The following PHF24 variants were observed in gnomAD, a reference collection of about 807,000 sequenced individuals.
PHF24 encodes the protein PHD finger protein 24.
In PHF24, 25 loss-of-function variants were observed where a neutral mutation model predicts 42.6. That is an observed-to-expected ratio of 0.59 (90% CI 0.43 to 0.82). The LOEUF is 0.82. Ranked by LOEUF, PHF24 falls within the 40% of genes least tolerant of loss-of-function variation. PHF24 has a pLI of 0.00. For missense variants in PHF24, 470 were observed against 538.1 expected, an observed-to-expected ratio of 0.87 and a Z score of 1.25; for synonymous variants, 185 against 204.8, an observed-to-expected ratio of 0.90 and a Z score of 0.83.
chr9:34,745,203 C>T, the PHF24 span, among the ~76,000 whole-genome samples: 1 of 152,166 alleles, frequency 6.6e-6, no homozygotes, highest in African/African-American at 2.4e-5. Flanking sequence ...ACTAAGTCCC[C>T]ACAGCTGGAG....
At chr9:34,741,110 T>C in the PHF24 span, among the ~76,000 whole-genome samples, 1 of 152,054 alleles carries the variant, frequency 6.6e-6, no homozygotes, top group Non-Finnish European at 1.5e-5. Flanking sequence ...GGTCTTGAAC[T>C]CCTGACCTCA....
At chr9:34,970,224 C>T (rs1416708026) in intron 1 of PHF24, among the ~76,000 whole-genome samples, 2 of 152,118 alleles carry the variant, frequency 1.3e-5, no homozygotes, top group Non-Finnish European at 2.9e-5. Context: ...TGCAATGTGC[C>T]CTGTCATGCC....
chr9:34,870,964 A>G, the PHF24 span, among the ~76,000 whole-genome samples: 1 of 152,216 alleles, frequency 6.6e-6, no homozygotes, highest in African/African-American at 2.4e-5. Context: ...GGATAAATAC[A>G]AAGAAGCTCA....
At chr9:34,832,765 G>T in the PHF24 span, 101 of 1,550,396 alleles carry the variant, frequency 6.5e-5, no homozygotes, top group Non-Finnish European at 7.6e-5. Flanking sequence ...CCCTGCAAAG[G>T]CTTAGCCTGA....
At chr9:34,762,643 A>T in the PHF24 span, among the ~76,000 whole-genome samples, 1 of 147,286 alleles carries the variant, frequency 6.8e-6, no homozygotes, top group Non-Finnish European at 1.5e-5. Flanking sequence ...CCCATTTTGT[A>T]GGTTGCCTGT....
the PHF24 span, among the ~76,000 whole-genome samples, chr9:34,768,259 A>G: frequency 1.3e-5 from 2 of 152,224 alleles, no homozygotes; most frequent in African/African-American, 4.8e-5. Flanking sequence ...TATCCCATGC[A>G]AGCTGTTTAA....
the PHF24 span, among the ~76,000 whole-genome samples, chr9:34,815,798 G>T: frequency 6.6e-6 from 1 of 152,150 alleles, no homozygotes. Context: ...CTAATTTGAA[G>T]ACTTCCAGGA....
the PHF24 span, chr9:34,833,819 A>C: frequency 1.1e-5 from 17 of 1,551,596 alleles, no homozygotes; most frequent in African/African-American, 1.9e-4. Flanking sequence ...AAATGAAACC[A>C]TCTAAATCAG....
the PHF24 span, among the ~76,000 whole-genome samples, chr9:34,746,776 C>G: frequency 6.6e-6 from 1 of 152,192 alleles, no homozygotes; most frequent in African/African-American, 2.4e-5. Flanking sequence ...AATAATAAAC[C>G]TTTTTATACC....
the PHF24 span, among the ~76,000 whole-genome samples, chr9:34,945,204 A>T: frequency 6.6e-6 from 1 of 152,198 alleles, no homozygotes; most frequent in Non-Finnish European, 1.5e-5. Context: ...GTACCACCCA[A>T]GAGGGAGTAA....
the PHF24 span, chr9:34,832,667 T>C: frequency 6.5e-7 from 1 of 1,541,026 alleles, no homozygotes; most frequent in Non-Finnish European, 8.8e-7. Context: ...TAATTTTATT[T>C]CTGAAGCTAG....
At chr9:34,909,201 G>C in the PHF24 span, among the ~76,000 whole-genome samples, 1 of 152,052 alleles carries the variant, frequency 6.6e-6, no homozygotes, top group Non-Finnish European at 1.5e-5. Context: ...GGCTGGCCTC[G>C]AACTCTCAGG....
chr9:34,714,263 G>T, the PHF24 span, among the ~76,000 whole-genome samples: 1 of 152,152 alleles, frequency 6.6e-6, no homozygotes, highest in African/African-American at 2.4e-5. Flanking sequence ...TGGTCTAGAG[G>T]CAGATCCTGG....
At chr9:34,789,311 A>G in the PHF24 span, among the ~76,000 whole-genome samples, 1 of 152,184 alleles carries the variant, frequency 6.6e-6, no homozygotes. Flanking sequence ...TGACTCTCCA[A>G]ATATACTCTC....
At chr9:34,835,016 T>A in the PHF24 span, 2 of 1,463,576 alleles carry the variant, frequency 1.4e-6, no homozygotes, top group Non-Finnish European at 1.9e-6. Flanking sequence ...TAGCTGGCTG[T>A]ATTTCTGCTG....
chr9:34,926,709 A>G, the PHF24 span, among the ~76,000 whole-genome samples: 1 of 152,022 alleles, frequency 6.6e-6, no homozygotes, highest in East Asian at 1.9e-4. This position sits in a 1 kb window ranked among gnomAD's most constrained non-coding sequence, Gnocchi z 4.3. Flanking sequence ...GTTGTTGCTC[A>G]GGCTCATGAC....
At chr9:34,936,117 G>C in the PHF24 span, among the ~76,000 whole-genome samples, 3 of 147,472 alleles carry the variant, frequency 2.0e-5, no homozygotes, top group East Asian at 2.0e-4. Flanking sequence ...CTCTGATGCC[G>C]AGCCGAAGCT....
At chr9:34,787,071 AC>A in the PHF24 span, among the ~76,000 whole-genome samples, 1 of 152,162 alleles carries the variant, frequency 6.6e-6, no homozygotes, top group African/African-American at 2.4e-5. Flanking sequence ...ATCAAGAGAT[AC>A]GTCAGGAAAG....
the PHF24 span, among the ~76,000 whole-genome samples, chr9:34,823,172 C>T: frequency 5.3e-5 from 7 of 131,700 alleles, no homozygotes; most frequent in Non-Finnish European, 9.3e-5. Flanking sequence ...GTCCGCAGTC[C>T]GGCCTGGGCG....
Sources: gnomAD v4.1 joint callset for allele counts (sites outside exome capture counted in the v4.1 genomes callset) on GRCh38, gnomAD v4.1.1 for gene constraint, Gnocchi (gnomAD v3.1) non-coding constraint, MANE v1.5 for transcripts, NCBI Gene and HGNC (gene_info 2026-07-23, HGNC 2026-07-21) for gene names.